The following GSK3B variants were observed in gnomAD, a reference collection of about 807,000 sequenced individuals.
GSK3B encodes the protein glycogen synthase kinase 3 beta, also known as glycogen synthase kinase-3 beta.
In GSK3B, 15 loss-of-function variants were observed where a neutral mutation model predicts 56.4. That is an observed-to-expected ratio of 0.27 (90% confidence interval 0.18 to 0.41). The LOEUF is 0.41. Among genes scored for constraint, GSK3B ranks in the 10% least tolerant of loss-of-function variants. The pLI is 1.00. For synonymous variants in GSK3B, 181 were observed against 188.9 expected (o/e 0.96, Z 0.34); for missense variants, 300 against 513.4 (o/e 0.58, Z 4.02).
intron 2 of GSK3B, among the ~76,000 whole-genome samples, chr3:119,977,788 G>T (rs1264990705): frequency 6.6e-6 from 1 of 152,134 alleles, no homozygotes; most frequent in African/African-American, 2.4e-5. Context: ...GAAAAAATTT[G>T]ACGTATAGCA....
intron 6 of GSK3B, among the ~76,000 whole-genome samples, chr3:119,906,966 A>G (rs1218063741): frequency 6.6e-6 from 1 of 152,122 alleles, no homozygotes; most frequent in Non-Finnish European, 1.5e-5. Context: ...GATTTTGTCC[A>G]GTCCTAACTT....
At chr3:120,011,000 G>A (rs372681150) in intron 1 of GSK3B, among the ~76,000 whole-genome samples, 25 of 152,208 alleles carry the variant, frequency 1.6e-4, no homozygotes, top group East Asian at 1.5e-3. Flanking sequence ...CCCAGGAGGC[G>A]GGAGGCTGCA....
chr3:120,026,554 A>ACACAC (rs1559881737), intron 1 of GSK3B, among the ~76,000 whole-genome samples: 1,047 of 64,314 alleles, frequency 0.016, 6 homozygotes, highest in Non-Finnish European at 0.021. Flanking sequence ...CACACACACA[A>ACACAC]ACACACACAC....
intron 1 of GSK3B, among the ~76,000 whole-genome samples, chr3:120,061,502 G>A (rs1445360796): frequency 6.6e-6 from 1 of 152,106 alleles, no homozygotes; most frequent in Non-Finnish European, 1.5e-5. Context: ...CTTACTGTGT[G>A]AATACCACAG....
Position 120,093,657 on chromosome 3 carries a change from T to C in GSK3B, c.-223A>G, listed in dbSNP as rs910745675. On this transcript the variant is annotated 5_prime_UTR_variant, in exon 1 of 11. The change creates a new upstream start codon in the 5' untranslated region. Transcript: ENST00000264235. ...GACAGATCGGCACGGATATTTAACA[T>C]ATAGATGATTTAGGACTTGGGAAAA... 2 of 438,988 alleles carry C rather than the reference T, an allele frequency of 4.6e-6. No homozygotes were observed. Among genetic ancestry groups the C allele is most frequent in the Non-Finnish European group, 8.2e-6 (2 of 243,270 alleles). The allele number at this position is 438,988 out of a possible 1,614,324, so 27.2% of individuals were successfully genotyped here. A position where few individuals can be genotyped will look rare whatever the true frequency, so the allele number is the denominator to read the frequency against.
chr3:119,904,491 C>T (rs2056662423), intron 7 of GSK3B, among the ~76,000 whole-genome samples: 1 of 152,092 alleles, frequency 6.6e-6, no homozygotes. Context: ...TAAAGAAGAT[C>T]GCTTATTACA....
intron 1 of GSK3B, among the ~76,000 whole-genome samples, chr3:120,090,358 G>C (rs554085282): frequency 7.2e-5 from 11 of 152,158 alleles, no homozygotes; most frequent in South Asian, 2.1e-4. Context: ...AATAGACTAG[G>C]AAGTCAAATA....
intron 1 of GSK3B, among the ~76,000 whole-genome samples, chr3:120,026,590 G>T (rs1372495611): frequency 6.8e-6 from 1 of 147,898 alleles, no homozygotes; most frequent in African/African-American, 2.5e-5. Flanking sequence ...CTTTGAGACG[G>T]AGTCTCACTC....
At chr3:120,055,519 A>C (rs1216402549) in intron 1 of GSK3B, among the ~76,000 whole-genome samples, 1 of 152,204 alleles carries the variant, frequency 6.6e-6, no homozygotes, top group Non-Finnish European at 1.5e-5. Context: ...TTAGAGCAAA[A>C]TGCCACAATC....
intron 3 of GSK3B, among the ~76,000 whole-genome samples, chr3:119,934,964 G>A (rs183756393): frequency 6.6e-6 from 1 of 151,960 alleles, no homozygotes; most frequent in East Asian, 1.9e-4. Context: ...TAGTTTTGCT[G>A]AAATATTAAA....
At chr3:119,952,235 C>A (rs1318891958) in intron 2 of GSK3B, among the ~76,000 whole-genome samples, 6 of 152,084 alleles carry the variant, frequency 3.9e-5, no homozygotes, top group Admixed American at 3.9e-4. Flanking sequence ...CGTCTATAAT[C>A]CCAGCACTTT....
In GSK3B at chr3:119,993,439, GA is replaced by G. The variant is rs548738361; in HGVS notation, c.282+8606del. On this transcript the variant is annotated intron_variant, in intron 2 of 10. Coordinates refer to ENST00000264235, the MANE Select transcript of GSK3B (RefSeq NM_001146156.2). ...TTCAAATTAATAGTCTATGCTACAG[GA>G]AAAAATTAAAATTAAAAAAAAAGAA... Among the ~76,000 whole-genome samples the G allele has an allele frequency of 6.7e-3, 1,010 of 151,694 alleles. 8 individuals are homozygous for G. Among genetic ancestry groups the G allele is most frequent in the Non-Finnish European group, 8.3e-3 (562 of 67,908 alleles).
chr3:119,849,110 C>CA (rs1014372074), intron 9 of GSK3B, among the ~76,000 whole-genome samples: 15 of 151,360 alleles, frequency 9.9e-5, no homozygotes, highest in Non-Finnish European at 1.8e-4. Context: ...GCTCCAGGTA[C>CA]AAAAAAAAGC....
intron 1 of GSK3B, among the ~76,000 whole-genome samples, chr3:120,059,057 C>T (rs1016719412): frequency 1.7e-4 from 25 of 149,728 alleles, no homozygotes; most frequent in African/African-American, 5.6e-4. Context: ...AGATATAATA[C>T]TCAATAAATG....
chr3:119,902,295 C>A (rs955052402), intron 7 of GSK3B, among the ~76,000 whole-genome samples: 15 of 151,772 alleles, frequency 9.9e-5, no homozygotes, highest in African/African-American at 3.6e-4. Context: ...TCAAATGAAA[C>A]CTCATATATA....
intron 8 of GSK3B, among the ~76,000 whole-genome samples, chr3:119,865,454 ATATATATATATATTTTTT>A: frequency 5.3e-5 from 1 of 18,976 alleles, no homozygotes; most frequent in African/African-American, 1.1e-4. Context: ...ATATATATAT[ATATATATATATATTTTTT>A]TTTTTTTTTT....
chr3:119,984,557 C>G (rs924223350), intron 2 of GSK3B, among the ~76,000 whole-genome samples: 2 of 152,078 alleles, frequency 1.3e-5, no homozygotes, highest in Non-Finnish European at 2.9e-5. Context: ...CACAGAAATA[C>G]AAACTACCAT....
At chr3:119,863,046 C>G (rs2056129076) in intron 9 of GSK3B, among the ~76,000 whole-genome samples, 1 of 152,178 alleles carries the variant, frequency 6.6e-6, no homozygotes, top group Non-Finnish European at 1.5e-5. Flanking sequence ...TTTAAAAAAA[C>G]TTGATACAAA....
At chr3:119,841,252 A>G (rs2055767216) in intron 10 of GSK3B, among the ~76,000 whole-genome samples, 1 of 152,224 alleles carries the variant, frequency 6.6e-6, no homozygotes, top group Non-Finnish European at 1.5e-5. Context: ...TATCAAAACA[A>G]CATGAAAATC....
Sources: allele counts gnomAD v4.1 joint callset (sites outside exome capture counted in the v4.1 genomes callset), GRCh38; gene constraint gnomAD v4.1.1; transcripts MANE v1.5; gene names NCBI Gene and HGNC (gene_info 2026-07-23, HGNC 2026-07-21).